Variants in EFHD1 observed in about 807,000 individuals in gnomAD.
EFHD1 encodes the protein EF-hand domain family member D1.
A neutral mutation model predicts 17.2 loss-of-function variants in EFHD1; 10 were observed. The ratio of observed to expected loss-of-function variants is 0.58; its 90% CI spans 0.36 to 0.99. The LOEUF is 0.99. EFHD1 is among the 50% of genes least tolerant of loss of function. The pLI is 0.01. For missense variants in EFHD1, 310 were observed against 327.5 expected (o/e 0.95, Z 0.41); for synonymous variants, 153 against 142.0 (o/e 1.08, Z -0.55).
At chr2:232,642,425 C>A (rs1213551544) in intron 1 of EFHD1, among the ~76,000 whole-genome samples, 1 of 150,292 alleles carries the variant, frequency 6.7e-6, no homozygotes, top group Non-Finnish European at 1.5e-5. Flanking sequence ...AGCTAATTAG[C>A]CTTGGGTGTC....
intron 1 of EFHD1, chr2:232,611,420 C>G (rs570676113): frequency 1.3e-5 from 2 of 152,090 alleles, no homozygotes; most frequent in Non-Finnish European, 2.9e-5. Context: ...TGAGAGGGGG[C>G]CATGGGAGTT....
At chr2:232,669,841 C>T (rs1239849388) in intron 2 of EFHD1, among the ~76,000 whole-genome samples, 1 of 152,064 alleles carries the variant, frequency 6.6e-6, no homozygotes, top group Non-Finnish European at 1.5e-5. Flanking sequence ...CCTCGTGATC[C>T]ACCTGCCTTG....
intron 1 of EFHD1, among the ~76,000 whole-genome samples, chr2:232,644,049 C>T (rs750172886): frequency 1.3e-5 from 2 of 152,162 alleles, no homozygotes; most frequent in Non-Finnish European, 2.9e-5. Context: ...GCTGTGTGTG[C>T]AGTTGGTGCT....
At chr2:232,681,541 G>A in intron 3 of EFHD1, 44 bp from the exon 4 acceptor site, 1 of 1,598,928 alleles carries the variant, frequency 6.3e-7, no homozygotes, top group Non-Finnish European at 8.5e-7. Flanking sequence ...AGGGTCCTCT[G>A]CCCTCCCTTA....
rs765554179 is a variant in EFHD1, at chr2:232,633,875, C to G, written c.171C>G (p.Ala57=). ...PTASADAELS[A]QLSRRLDINE... is the part of the protein sequence containing the mutation. Reference sequence around the variant, plus strand: ...CCAGCGCCGACGCGGAGCTGAGCGCCCAGCTGAGCCGGCGGCTGGACATCA... The same window carrying G: ...CCAGCGCCGACGCGGAGCTGAGCGCGCAGCTGAGCCGGCGGCTGGACATCA... Residue 57 remains alanine, a synonymous_variant, in exon 1 of 4, where the codon GCC becomes GCG. Coordinates refer to ENST00000264059, the MANE Select transcript of EFHD1 (RefSeq NM_025202.4). The G allele has an allele frequency of 3.7e-5, 56 of 1,534,174 alleles. No homozygotes were observed. Among genetic ancestry groups the G allele is most frequent in the Non-Finnish European group, 4.5e-5 (52 of 1,150,440 alleles).
intron 1 of EFHD1, among the ~76,000 whole-genome samples, chr2:232,615,184 T>TA (rs1431329689): frequency 6.6e-6 from 1 of 152,074 alleles, no homozygotes; most frequent in Non-Finnish European, 1.5e-5. Flanking sequence ...CTGTTTGCGC[T>TA]ATAGGCAAGG....
At chr2:232,681,015 GCA>G (rs1695272352) in intron 3 of EFHD1, among the ~76,000 whole-genome samples, 1 of 130,936 alleles carries the variant, frequency 7.6e-6, no homozygotes, top group Admixed American at 7.1e-5. Context: ...AATTAACCAG[GCA>G]TGGTGGCGTG....
intron 2 of EFHD1, among the ~76,000 whole-genome samples, chr2:232,664,700 G>A (rs1232899507): frequency 3.9e-5 from 5 of 128,740 alleles, no homozygotes; most frequent in Non-Finnish European, 6.3e-5. Flanking sequence ...TACAAGCTCC[G>A]CCTCCCGGGT....
intron 3 of EFHD1, among the ~76,000 whole-genome samples, chr2:232,679,420 A>G (rs1251491235): frequency 6.6e-6 from 1 of 152,086 alleles, no homozygotes; most frequent in Non-Finnish European, 1.5e-5. Flanking sequence ...TTATGTAAAT[A>G]AATGCAAATT....
intron 1 of EFHD1, among the ~76,000 whole-genome samples, chr2:232,654,018 C>G (rs1694705821): frequency 1.3e-5 from 2 of 151,938 alleles, no homozygotes; most frequent in Admixed American, 1.3e-4. Flanking sequence ...ACCAGCCTGA[C>G]CAACATGGAG....
chr2:232,677,460 C>G (rs1695201262), intron 3 of EFHD1, among the ~76,000 whole-genome samples: 2 of 151,320 alleles, frequency 1.3e-5, no homozygotes, highest in Non-Finnish European at 2.9e-5. Flanking sequence ...TGGCTCATGC[C>G]TATAATCTCA....
intron 2 of EFHD1, among the ~76,000 whole-genome samples, chr2:232,672,004 C>G (rs964129126): frequency 6.6e-6 from 1 of 150,922 alleles, no homozygotes. Flanking sequence ...TGCAGTGAGC[C>G]GAGATCATGC....
chr2:232,678,740 A>G (rs1695223085), intron 3 of EFHD1, among the ~76,000 whole-genome samples: 1 of 152,210 alleles, frequency 6.6e-6, no homozygotes, highest in South Asian at 2.1e-4. Context: ...CTGTGATCGC[A>G]CCATTGCACT....
chr2:232,606,302 G>T, intron 1 of EFHD1: 1 of 1,123,594 alleles, frequency 8.9e-7, no homozygotes, highest in African/African-American at 1.5e-5. Context: ...GGGCACTCCC[G>T]GCCCTCGCTT....
At chr2:232,654,170 G>T (rs1330130586) in intron 1 of EFHD1, among the ~76,000 whole-genome samples, 1 of 147,388 alleles carries the variant, frequency 6.8e-6, no homozygotes, top group Admixed American at 6.9e-5. Context: ...TCGCACCACT[G>T]CACTCCAGCC....
At chr2:232,641,295 A>G (rs1324822951) in intron 1 of EFHD1, among the ~76,000 whole-genome samples, 2 of 152,050 alleles carry the variant, frequency 1.3e-5, no homozygotes, top group East Asian at 3.9e-4. Context: ...CTGCCTCCCA[A>G]AAGTGTTGGT....
At chr2:232,609,554 C>A (rs1169381038) in intron 1 of EFHD1, among the ~76,000 whole-genome samples, 1 of 152,008 alleles carries the variant, frequency 6.6e-6, no homozygotes, top group East Asian at 1.9e-4. Flanking sequence ...TGACTAAAGC[C>A]CCCCTAAGTG....
chr2:232,665,566 C>G (rs775862586), intron 2 of EFHD1, among the ~76,000 whole-genome samples: 2 of 152,116 alleles, frequency 1.3e-5, no homozygotes, highest in African/African-American at 4.8e-5. Flanking sequence ...GGACTACAGG[C>G]GCATGCCATC....
At chr2:232,673,913 T>TTC in intron 3 of EFHD1, among the ~76,000 whole-genome samples, 1 of 148,794 alleles carries the variant, frequency 6.7e-6, no homozygotes, top group Non-Finnish European at 1.5e-5. Flanking sequence ...TCTTCTTTTT[T>TTC]TTTTTTTTTT....
Sources: gnomAD v4.1 joint callset for allele counts (sites outside exome capture counted in the v4.1 genomes callset) on GRCh38, gnomAD v4.1.1 for gene constraint, MANE v1.5 for transcripts, NCBI Gene and HGNC (gene_info 2026-07-23, HGNC 2026-07-21) for gene names.